The following SOX6 variants were observed in gnomAD, a reference collection of about 807,000 sequenced individuals.
SOX6 encodes the protein transcription factor SOX-6.
In SOX6, 11 loss-of-function variants were observed where a neutral mutation model predicts 97.8. The ratio of observed to expected loss-of-function variants is 0.11; its 90% confidence interval spans 0.07 to 0.19. SOX6 has a LOEUF of 0.19. Among genes scored for constraint, SOX6 ranks in the 10% least tolerant of loss-of-function variants. The probability of loss-of-function intolerance (pLI) is 1.00; values close to 1 mark genes in which losing one functional copy is unlikely to be tolerated. For synonymous variants in SOX6, 360 were observed against 371.4 expected (o/e 0.97, Z 0.35); for missense variants, 810 against 1,039.5 (o/e 0.78, Z 3.04).
chr11:16,259,980 TAC>T (rs1468499931), intron 3 of SOX6, among the ~76,000 whole-genome samples: 4 of 151,888 alleles, frequency 2.6e-5, no homozygotes, highest in African/African-American at 9.7e-5. Context: ...TGTGTATATA[TAC>T]ACATATACAT....
Position 16,583,614 on chromosome 11 carries a change from C to CATATATATATATATATAT in SOX6, n.609+28449_609+28466dup, listed in dbSNP as rs534690651. Among the ~76,000 whole-genome samples, 341 of 104,260 alleles carry CATATATATATATATATAT rather than the reference C, an allele frequency of 3.3e-3. 2 individuals are homozygous for CATATATATATATATATAT. Among genetic ancestry groups the CATATATATATATATATAT allele is most frequent in the African/African-American group, 9.8e-3 (298 of 30,482 alleles). 68.4% of individuals were successfully genotyped at this position (104,260 alleles called of 152,430 possible). ...ATATGTATATATGTGTATATATATA[C>CATATATATATATATATAT]ATATATATATATATATATATATACA... is the stretch of plus-strand genomic sequence containing the variant. On this transcript the variant is annotated intron_variant and non_coding_transcript_variant, in intron 4 of 5. Coordinates refer to the SOX6 transcript ENST00000524520.
chr11:16,729,289 A>C (rs1489580794), intron 2 of SOX6, among the ~76,000 whole-genome samples: 1 of 152,218 alleles, frequency 6.6e-6, no homozygotes, highest in African/African-American at 2.4e-5. Context: ...AGATTCACCA[A>C]GGTTGAAATG....
intron 3 of SOX6, among the ~76,000 whole-genome samples, chr11:16,281,103 T>C (rs1565067086): frequency 6.6e-6 from 1 of 152,084 alleles, no homozygotes; most frequent in Non-Finnish European, 1.5e-5. Flanking sequence ...GTTTTTCTAT[T>C]CACTCTACAT....
At chr11:16,324,376 T>C (rs1382906007) in intron 2 of SOX6, among the ~76,000 whole-genome samples, 1 of 152,106 alleles carries the variant, frequency 6.6e-6, no homozygotes, top group Non-Finnish European at 1.5e-5. Flanking sequence ...CATACTGTCG[T>C]TTACAGTGAT....
chr11:16,119,042 G>A (rs1213738425), intron 6 of SOX6, among the ~76,000 whole-genome samples: 1 of 152,082 alleles, frequency 6.6e-6, no homozygotes, highest in African/African-American at 2.4e-5. Context: ...TGCAAGAAGT[G>A]CAGTCAGAAA....
At chr11:16,141,373 A>G (rs751271016) in intron 6 of SOX6, among the ~76,000 whole-genome samples, 1 of 152,166 alleles carries the variant, frequency 6.6e-6, no homozygotes, top group Non-Finnish European at 1.5e-5. Flanking sequence ...AAATATTAAT[A>G]GAACCAACGG....
intron 4 of SOX6, among the ~76,000 whole-genome samples, chr11:16,572,872 A>T (rs1420163164): frequency 6.6e-6 from 1 of 152,212 alleles, no homozygotes; most frequent in Non-Finnish European, 1.5e-5. Context: ...ATAAAAGGTA[A>T]TAGAATTTGG....
intron 3 of SOX6, among the ~76,000 whole-genome samples, chr11:16,702,268 T>C (rs1848100669): frequency 6.6e-6 from 1 of 152,104 alleles, no homozygotes; most frequent in African/African-American, 2.4e-5. Flanking sequence ...ACTGGGACAA[T>C]GGGAAAACAC....
intron 7 of SOX6, among the ~76,000 whole-genome samples, chr11:16,098,100 A>G (rs1848847881): frequency 1.3e-5 from 2 of 151,850 alleles, no homozygotes; most frequent in African/African-American, 2.4e-5. Flanking sequence ...TTAGAGTCCA[A>G]AAAGGGCTCT....
At chr11:15,983,980 T>C (rs1406605870) in intron 15 of SOX6, among the ~76,000 whole-genome samples, 2 of 152,172 alleles carry the variant, frequency 1.3e-5, no homozygotes, top group Non-Finnish European at 2.9e-5. Context: ...AGGCATATTT[T>C]GAGACAAAGT....
intron 6 of SOX6, among the ~76,000 whole-genome samples, chr11:16,162,989 AGAG>A (rs1850791804): frequency 6.6e-6 from 1 of 152,150 alleles, no homozygotes; most frequent in South Asian, 2.1e-4. Flanking sequence ...TAAAGAAAGA[AGAG>A]AGTAGGGTGA....
At chr11:16,405,615 T>C (rs933158293) in intron 1 of SOX6, among the ~76,000 whole-genome samples, 2 of 152,036 alleles carry the variant, frequency 1.3e-5, no homozygotes, top group African/African-American at 4.8e-5. Flanking sequence ...ATATACAGTC[T>C]GAAGTTAGAA....
intron 3 of SOX6, among the ~76,000 whole-genome samples, chr11:16,650,913 A>G (rs1847640664): frequency 6.6e-6 from 1 of 152,186 alleles, no homozygotes; most frequent in Non-Finnish European, 1.5e-5. Flanking sequence ...GAAGATCCAA[A>G]TTAGCTCAAT....
intron 1 of SOX6, among the ~76,000 whole-genome samples, chr11:16,436,898 G>A (rs1378508979): frequency 6.6e-6 from 1 of 151,946 alleles, no homozygotes; most frequent in Non-Finnish European, 1.5e-5. Context: ...ATCTTTTCAT[G>A]GAATCCTAGC....
intron 9 of SOX6, among the ~76,000 whole-genome samples, chr11:16,070,863 C>T (rs1319747708): frequency 6.6e-6 from 1 of 152,194 alleles, no homozygotes; most frequent in Non-Finnish European, 1.5e-5. Flanking sequence ...CATCACACTT[C>T]TAGACTGAGG....
At chr11:16,305,176 A>T (rs1206335169) in intron 3 of SOX6, among the ~76,000 whole-genome samples, 1 of 152,210 alleles carries the variant, frequency 6.6e-6, no homozygotes, top group Non-Finnish European at 1.5e-5. Flanking sequence ...TATCTATCAT[A>T]GGACTAGTAT....
intron 3 of SOX6, among the ~76,000 whole-genome samples, chr11:16,655,755 T>C (rs1040258758): frequency 6.6e-6 from 1 of 152,184 alleles, no homozygotes; most frequent in Non-Finnish European, 1.5e-5. Context: ...TATCTCTAGG[T>C]TTTAGATGAA....
At chr11:16,572,443 A>C (rs1327233628) in intron 4 of SOX6, among the ~76,000 whole-genome samples, 2 of 152,202 alleles carry the variant, frequency 1.3e-5, no homozygotes, top group African/African-American at 4.8e-5. Context: ...TTAAACAGAA[A>C]ACCTATACAG....
chr11:16,567,988 C>A (rs1847893758), intron 4 of SOX6, among the ~76,000 whole-genome samples: 1 of 151,866 alleles, frequency 6.6e-6, no homozygotes, highest in Admixed American at 6.6e-5. Flanking sequence ...GCCAAACAAC[C>A]ACAGACTGTC....
Sources: gnomAD v4.1 joint callset for allele counts (sites outside exome capture counted in the v4.1 genomes callset) on GRCh38, gnomAD v4.1.1 for gene constraint, MANE v1.5 for transcripts, NCBI Gene and HGNC (gene_info 2026-07-23, HGNC 2026-07-21) for gene names.